HORMAD2: variants seen among roughly 807,000 people sequenced by gnomAD.
The protein encoded by HORMAD2 is HORMA domain-containing protein 2.
Under a neutral mutation model 38.8 loss-of-function variants are expected in HORMAD2, and 45 were observed. The observed-to-expected ratio is 1.16, with a 90% CI of 0.91 to 1.49. The LOEUF (loss-of-function observed/expected upper bound fraction) is 1.49. Ranked by LOEUF, HORMAD2 falls within the 40% of genes most tolerant of loss-of-function variation. The pLI, the probability that HORMAD2 is intolerant of heterozygous loss-of-function variation, is 0.00. For missense variants in HORMAD2, 338 were observed against 367.0 expected (o/e 0.92, Z 0.65); for synonymous variants, 126 against 122.8 (o/e 1.03, Z -0.17).
chr22:30,101,531 C>T (rs984860518), intron 3 of HORMAD2, among the ~76,000 whole-genome samples: 1 of 151,696 alleles, frequency 6.6e-6, no homozygotes, highest in Non-Finnish European at 1.5e-5. Flanking sequence ...CAACAAACCA[C>T]CATGGCACAT....
intron 8 of HORMAD2, among the ~76,000 whole-genome samples, chr22:30,120,353 A>G (rs2146126376): frequency 6.6e-6 from 1 of 152,344 alleles, no homozygotes; most frequent in East Asian, 1.9e-4. Flanking sequence ...AAGTTGTTCA[A>G]AATTGGAAAA....
At chr22:30,141,223 C>A (rs769823887) in intron 10 of HORMAD2, among the ~76,000 whole-genome samples, 3 of 152,156 alleles carry the variant, frequency 2.0e-5, no homozygotes, top group Non-Finnish European at 2.9e-5. Flanking sequence ...GTCTCAAACT[C>A]CTGACTTCAA....
At chr22:30,088,286 T>TACATATATATACAC (rs1183260256) in intron 1 of HORMAD2, among the ~76,000 whole-genome samples, 2 of 150,750 alleles carry the variant, frequency 1.3e-5, no homozygotes, top group African/African-American at 2.4e-5. Context: ...CATATATACA[T>TACATATATATACAC]ACATATATAT....
the HORMAD2 span, among the ~76,000 whole-genome samples, chr22:30,201,354 C>T: frequency 6.6e-6 from 1 of 151,340 alleles, no homozygotes; most frequent in Non-Finnish European, 1.5e-5. Flanking sequence ...GACTTGATTA[C>T]ATCTACAAAG....
At chr22:30,167,783 C>T (rs933650125) in intron 10 of HORMAD2, among the ~76,000 whole-genome samples, 3 of 152,168 alleles carry the variant, frequency 2.0e-5, no homozygotes, top group Non-Finnish European at 4.4e-5. Context: ...CTTATAGTCT[C>T]TTCTATAATT....
intron 10 of HORMAD2, among the ~76,000 whole-genome samples, chr22:30,156,182 A>G (rs1925062775): frequency 6.6e-6 from 1 of 152,140 alleles, no homozygotes; most frequent in South Asian, 2.1e-4. Flanking sequence ...GCTCTGCCCC[A>G]CCTGACATTG....
chr22:30,105,172 T>G (rs773564472), intron 5 of HORMAD2: 21 of 163,358 alleles, frequency 1.3e-4, no homozygotes, highest in Non-Finnish European at 2.7e-4. Context: ...TGCGGATGTG[T>G]GTTCCCACCT....
At chr22:30,182,687 A>T in the HORMAD2 span, among the ~76,000 whole-genome samples, 1 of 152,202 alleles carries the variant, frequency 6.6e-6, no homozygotes, top group Non-Finnish European at 1.5e-5. Flanking sequence ...GCTACTCAGG[A>T]GGCTGAGGCG....
chr22:30,103,191 C>T (rs916195109), intron 3 of HORMAD2, among the ~76,000 whole-genome samples: 1 of 152,126 alleles, frequency 6.6e-6, no homozygotes, highest in Non-Finnish European at 1.5e-5. Context: ...TTGGAGCCAA[C>T]TCAGTTGTGC....
In HORMAD2 at chr22:30,087,467, C is replaced by T. The variant is rs188378430; in HGVS notation, c.-37-6449C>T. Among the ~76,000 whole-genome samples the T allele has an allele frequency of 2.0e-5, 3 of 152,112 alleles. No homozygotes were observed. In the East Asian group the frequency reaches 5.8e-4, roughly 29 times the overall value. ...AACAATGGGAGTGTATTTGTTCATC[C>T]AGGGAGTGTGTGGTAGAAGTAAAAA... On this transcript the variant is annotated intron_variant, in intron 1 of 10. Transcript: ENST00000336726.
intron 1 of HORMAD2, among the ~76,000 whole-genome samples, chr22:30,088,250 TAC>T (rs1032944871): frequency 2.0e-5 from 3 of 150,306 alleles, no homozygotes; most frequent in Admixed American, 6.6e-5. Context: ...TATATACATA[TAC>T]ACACATATAT....
intron 10 of HORMAD2, among the ~76,000 whole-genome samples, chr22:30,156,526 T>G (rs182162629): frequency 2.8e-4 from 42 of 152,354 alleles, no homozygotes; most frequent in African/African-American, 9.6e-4. Flanking sequence ...AGTCTCGGAA[T>G]CACTGTTAAG....
chr22:30,098,330 A>G (rs73883367), intron 2 of HORMAD2, among the ~76,000 whole-genome samples: 11,858 of 152,240 alleles, frequency 0.078, 543 homozygotes, highest in African/African-American at 0.092. Flanking sequence ...TGGAAAAAAT[A>G]AAAGAGACTG....
chr22:30,092,638 G>A (rs5763763), intron 1 of HORMAD2, among the ~76,000 whole-genome samples: 22,323 of 152,000 alleles, frequency 0.15, 3,452 homozygotes, highest in African/African-American at 0.38. Flanking sequence ...TTACATTTAA[G>A]TCTTTAACAT....
intron 10 of HORMAD2, among the ~76,000 whole-genome samples, chr22:30,140,157 G>A (rs1037600207): frequency 3.9e-5 from 6 of 152,096 alleles, no homozygotes; most frequent in African/African-American, 1.4e-4. Context: ...CCAGCTACTT[G>A]GGGGGCTGAG....
intron 2 of HORMAD2, among the ~76,000 whole-genome samples, chr22:30,096,727 C>T (rs977146360): frequency 6.6e-6 from 1 of 152,136 alleles, no homozygotes; most frequent in Admixed American, 6.6e-5. Flanking sequence ...CCCCAGCCTC[C>T]CAAAGTGCTG....
chr22:30,140,986 T>G (rs1445334796), intron 10 of HORMAD2, among the ~76,000 whole-genome samples: 1 of 152,094 alleles, frequency 6.6e-6, no homozygotes, highest in East Asian at 1.9e-4. Context: ...TCTTGAAGTA[T>G]TTTCTGATTT....
intron 7 of HORMAD2, among the ~76,000 whole-genome samples, chr22:30,115,425 G>A (rs1921968030): frequency 6.6e-6 from 1 of 152,148 alleles, no homozygotes; most frequent in Non-Finnish European, 1.5e-5. Flanking sequence ...ACCTTTAATA[G>A]ATTGCCTCAT....
chr22:30,110,383 CTTT>C (rs10712471), intron 5 of HORMAD2, among the ~76,000 whole-genome samples: 2 of 103,320 alleles, frequency 1.9e-5, no homozygotes, highest in African/African-American at 8.3e-5. Flanking sequence ...TGAGCATATA[CTTT>C]TTTTTTTTTT....
Sources: gnomAD v4.1 joint callset for allele counts (sites outside exome capture counted in the v4.1 genomes callset) on GRCh38, gnomAD v4.1.1 for gene constraint, MANE v1.5 for transcripts, NCBI Gene and HGNC (gene_info 2026-07-23, HGNC 2026-07-21) for gene names.